CACNA1B: variants seen among roughly 807,000 people sequenced by gnomAD.
CACNA1B encodes voltage-dependent N-type calcium channel subunit alpha-1B.
A neutral mutation model predicts 247.2 loss-of-function variants in CACNA1B; 70 were observed. The ratio of observed to expected loss-of-function variants is 0.28; its 90% CI spans 0.23 to 0.35. The LOEUF (loss-of-function observed/expected upper bound fraction) is 0.35. CACNA1B is among the 10% of genes least tolerant of loss of function. The pLI is 1.00. For synonymous variants in CACNA1B, 1,231 were observed against 1,294.4 expected (o/e 0.95, Z 1.05); for missense variants, 2,367 against 3,197.4 (o/e 0.74, Z 6.26).
intron 18 of CACNA1B, among the ~76,000 whole-genome samples, chr9:138,016,705 C>T (rs138059260): frequency 0.02 from 3,013 of 152,194 alleles, 50 homozygotes; most frequent in South Asian, 0.056. Context: ...ACCCTCGCCT[C>T]CTTTGTTAGT....
chr9:137,981,646 T>G (rs1466839070), intron 12 of CACNA1B, among the ~76,000 whole-genome samples: 1 of 152,132 alleles, frequency 6.6e-6, no homozygotes, highest in African/African-American at 2.4e-5. Context: ...CCAGCTAATT[T>G]TTTTGTATTT....
At chr9:138,006,116 G>A (rs1362962748) in intron 15 of CACNA1B, among the ~76,000 whole-genome samples, 9 of 152,016 alleles carry the variant, frequency 5.9e-5, no homozygotes, top group East Asian at 5.8e-4. Flanking sequence ...AAAAGACTTG[G>A]ATCTGTGTCA....
Position 138,073,924 on chromosome 9 carries a change from G to A in CACNA1B, c.4792-77G>A. ...AGGCTGAGGTCTGTGTGACCTCAAA[G>A]GCCCAGCCACCGTAGCAGGAGGCCT... On this transcript the variant is annotated intron_variant, in intron 33 of 46. Transcript: ENST00000371372. The surrounding 1 kb of genome is among the most constrained non-coding windows in gnomAD (Gnocchi z 6.4). The A allele has an allele frequency of 5.8e-6, 7 of 1,201,284 alleles. No homozygotes were observed. The highest frequency in any genetic ancestry group is 8.6e-6 in the Non-Finnish European group (7 of 815,086). 74.4% of individuals were successfully genotyped at this position (1,201,284 alleles called of 1,614,324 possible).
chr9:137,948,968 GTGTGTGTCTGT>G (rs1479114403), intron 6 of CACNA1B, among the ~76,000 whole-genome samples: 2 of 146,038 alleles, frequency 1.4e-5, no homozygotes, highest in African/African-American at 5.1e-5. Flanking sequence ...CATGTGTATG[GTGTGTGTCTGT>G]TGTGTGTCTG....
chr9:137,952,210 T>A lies in CACNA1B; in HGVS notation c.967-64T>A. On this transcript the variant is annotated intron_variant, in intron 6 of 46. Transcript: ENST00000371372. This position sits in a 1 kb window ranked among gnomAD's most constrained non-coding sequence, Gnocchi z 4.8. ...AAGGAGGCCTGTTGGGGGCTGGGGG[T>A]GCTCCTGTGGCCGGGACTGTGTTTT... The A allele has an allele frequency of 6.9e-6, 9 of 1,300,274 alleles. No individual in the cohort carries two copies. The South Asian group carries it at 1.1e-4, about 16-fold the overall frequency. 80.5% of individuals were successfully genotyped at this position (1,300,274 alleles called of 1,614,324 possible).
At chr9:137,897,682 A>G (rs922674217) in intron 3 of CACNA1B, among the ~76,000 whole-genome samples, 1 of 152,092 alleles carries the variant, frequency 6.6e-6, no homozygotes, top group Non-Finnish European at 1.5e-5. Context: ...AATTCCGTGT[A>G]TTTTATTTTG....
intron 10 of CACNA1B, among the ~76,000 whole-genome samples, chr9:137,965,730 C>T (rs1454544715): frequency 6.6e-6 from 1 of 152,130 alleles, no homozygotes; most frequent in Admixed American, 6.5e-5. Flanking sequence ...GGATTACAGG[C>T]ACCCACCACC....
rs576396882 is a variant in CACNA1B at position 137,882,954 on chromosome 9, C to T, written c.530+71C>T. ...TGTGCTCTCTGAAGCTCAGTTGCGC[C>T]GTGGAGCTGGGGCAGCTGCAGTCCC... On this transcript the variant is annotated intron_variant, in intron 3 of 46. Coordinates refer to ENST00000371372, the MANE Select transcript of CACNA1B (RefSeq NM_000718.4). This position sits in a 1 kb window ranked among gnomAD's most constrained non-coding sequence, Gnocchi z 4.0. 59 of 1,516,430 alleles carry T rather than the reference C, an allele frequency of 3.9e-5. No homozygotes were observed. Among genetic ancestry groups the T allele is most frequent in the Non-Finnish European group, 4.9e-5 (54 of 1,100,252 alleles). The allele number at this position is 1,516,430 out of a possible 1,614,324, so 93.9% of individuals were successfully genotyped here.
chr9:138,056,912 C>T (rs1056441450), intron 26 of CACNA1B, among the ~76,000 whole-genome samples: 1 of 145,156 alleles, frequency 6.9e-6, no homozygotes, highest in African/African-American at 2.6e-5. Context: ...TATTCAGATC[C>T]TTTACCCATT....
intron 36 of CACNA1B, among the ~76,000 whole-genome samples, chr9:138,093,681 A>G (rs1960957081): frequency 6.6e-6 from 1 of 151,982 alleles, no homozygotes; most frequent in South Asian, 2.1e-4. Context: ...TGGAGGCTGC[A>G]GTGACCTGAG....
intron 44 of CACNA1B, 84 bp from the exon 45 acceptor site, chr9:138,120,081 C>A: frequency 1.7e-6 from 2 of 1,192,092 alleles, no homozygotes; most frequent in South Asian, 1.4e-5. Context: ...TGCTGTCTGG[C>A]CTGCTCCACC....
rs371868896 is a variant in CACNA1B at position 138,011,975 on chromosome 9, G to A, written c.2161-1154G>A. ...CGTAGCTTCCATTCTGAGGCCTGTG[G>A]TCTCAGCCGAGAACTATTGATCCGG... On this transcript the variant is annotated intron_variant, in intron 17 of 46. Transcript: ENST00000371372. This position sits in a 1 kb window ranked among gnomAD's most constrained non-coding sequence, Gnocchi z 4.2. Among the ~76,000 whole-genome samples, 26 of 152,170 alleles carry A rather than the reference G, an allele frequency of 1.7e-4. No homozygotes were observed. Among genetic ancestry groups the A allele is most frequent in the Admixed American group, 8.5e-4 (13 of 15,280 alleles).
intron 39 of CACNA1B, among the ~76,000 whole-genome samples, chr9:138,111,869 G>A (rs569261481): frequency 5.9e-5 from 9 of 151,628 alleles, no homozygotes; most frequent in East Asian, 5.8e-4. Context: ...GTCCACAGCC[G>A]CAGCCCTGCT....
At chr9:138,049,156 C>T in intron 23 of CACNA1B, 53 bp from the exon 24 acceptor site, 1 of 1,226,036 alleles carries the variant, frequency 8.2e-7, no homozygotes, top group African/African-American at 1.5e-5. Context: ...CACCTGGCCT[C>T]TGCCTGTCTT....
chr9:138,060,129 ATCTC>A (rs1959669834), intron 31 of CACNA1B, among the ~76,000 whole-genome samples: 1 of 152,106 alleles, frequency 6.6e-6, no homozygotes, highest in Admixed American at 6.5e-5. Context: ...CCGTCTCTCT[ATCTC>A]TCTCTATATA....
chr9:137,977,382 T>C (rs563789005), intron 12 of CACNA1B, among the ~76,000 whole-genome samples: 12 of 98,480 alleles, frequency 1.2e-4, no homozygotes, highest in African/African-American at 4.6e-4. Context: ...TACCAACTTA[T>C]GTAGGTGGGG....
chr9:138,016,677 G>A (rs1014689501), intron 18 of CACNA1B, among the ~76,000 whole-genome samples: 8 of 152,086 alleles, frequency 5.3e-5, no homozygotes, highest in African/African-American at 1.9e-4. Context: ...TCAGCCTCCC[G>A]CCGCAGGGTG....
At chr9:137,892,695 C>T (rs990830746) in intron 3 of CACNA1B, 3 of 317,126 alleles carry the variant, frequency 9.5e-6, no homozygotes. Flanking sequence ...GTGGGGGCTC[C>T]TGAGCACCAC....
chr9:138,088,782 G>A (rs547612747), intron 36 of CACNA1B, among the ~76,000 whole-genome samples: 46 of 150,700 alleles, frequency 3.1e-4, no homozygotes, highest in African/African-American at 7.3e-4. Context: ...GTGAAACCCC[G>A]TCTCTACTAA....
Sources: allele counts gnomAD v4.1 joint callset (sites outside exome capture counted in the v4.1 genomes callset), GRCh38; gene constraint gnomAD v4.1.1; non-coding constraint Gnocchi (gnomAD v3.1); transcripts MANE v1.5; gene names NCBI Gene and HGNC (gene_info 2026-07-23, HGNC 2026-07-21).